LMO7: variants seen among roughly 807,000 people sequenced by gnomAD.
LMO7 encodes LIM domain 7.
Under a neutral mutation model 206.5 loss-of-function variants are expected in LMO7, and 120 were observed. That is an observed-to-expected ratio of 0.58 (90% CI 0.50 to 0.68). The LOEUF is 0.68. Ranked by LOEUF, LMO7 falls within the 30% of genes least tolerant of loss-of-function variation. The pLI is 0.00. For missense variants in LMO7, 1,959 were observed against 1,957.9 expected, an observed-to-expected ratio of 1.00 and a Z score of -0.01; for synonymous variants, 706 against 681.5, an observed-to-expected ratio of 1.04 and a Z score of -0.56.
At chr13:75,709,873 G>T (rs897332307) in intron 1 of LMO7, among the ~76,000 whole-genome samples, 1 of 152,032 alleles carries the variant, frequency 6.6e-6, no homozygotes, top group African/African-American at 2.4e-5. Flanking sequence ...AGTCCTTGCT[G>T]ATGCCTATGT....
chr13:75,833,146 C>A lies in LMO7; in HGVS notation c.3045C>A (p.Phe1015Leu). 6.3e-7 allele frequency: 1 copy of A among 1,590,652 alleles called. No homozygotes were observed. The highest frequency in any genetic ancestry group is 8.6e-7 in the Non-Finnish European group (1 of 1,158,820). The change falls in exon 16 of 31, where the codon TTC becomes TTA. Residue 1015 changes from phenylalanine to leucine, a missense_variant. Phe to Leu is a conservative substitution (Grantham distance 22, BLOSUM62 0). Coordinates refer to ENST00000377534, the MANE Select transcript of LMO7 (RefSeq NM_001306080.2). ...TAAAATGGGATATTCCTGGGATCTT[C>A]GTAGCATCAGTTGAAGCAGGTAAAT... The part of the protein sequence containing the change: ...FTIKWDIPGI[F>L]VASVEAGSPA...
intron 1 of LMO7, chr13:75,689,148 A>G (rs930046030): frequency 6.6e-6 from 1 of 152,184 alleles, no homozygotes; most frequent in Admixed American, 6.6e-5. Flanking sequence ...CATCTTCAGA[A>G]TTCATTACAT....
chr13:75,768,758 G>A (rs1298014967), intron 4 of LMO7, among the ~76,000 whole-genome samples: 1 of 151,990 alleles, frequency 6.6e-6, no homozygotes, highest in East Asian at 1.9e-4. Flanking sequence ...GTAGAGCTTA[G>A]GAATATTTTT....
intron 11 of LMO7, chr13:75,816,742 G>A (rs141731976): frequency 6.5e-6 from 1 of 153,468 alleles, no homozygotes; most frequent in Non-Finnish European, 1.5e-5. Flanking sequence ...TTATTAATCA[G>A]TGCCCAGAAA....
chr13:75,835,882 G>A (rs9318377), intron 18 of LMO7, among the ~76,000 whole-genome samples: 99,239 of 151,886 alleles, frequency 0.65, 32,769 homozygotes, highest in Middle Eastern at 0.79. Flanking sequence ...ACTTTTTCCT[G>A]TAGACTTTGA....
chr13:75,630,551 G>A (rs2034783277), intron 2 of LMO7, among the ~76,000 whole-genome samples: 1 of 152,176 alleles, frequency 6.6e-6, no homozygotes, highest in African/African-American at 2.4e-5. Context: ...GCATGCATCT[G>A]TAGTCCCAGG....
intron 4 of LMO7, among the ~76,000 whole-genome samples, chr13:75,771,689 A>G (rs549786550): frequency 3.3e-5 from 4 of 122,504 alleles, no homozygotes; most frequent in Admixed American, 8.1e-5. Context: ...CTCTCCTCCA[A>G]ACGTCCTTGG....
intron 3 of LMO7, among the ~76,000 whole-genome samples, chr13:75,759,281 G>A (rs2047949013): frequency 6.6e-6 from 1 of 152,142 alleles, no homozygotes. Context: ...GGGACACACA[G>A]CCAAACCATA....
At chr13:75,815,090 G>C (rs550638148) in intron 11 of LMO7, among the ~76,000 whole-genome samples, 1 of 152,130 alleles carries the variant, frequency 6.6e-6, no homozygotes, top group East Asian at 1.9e-4. Flanking sequence ...CAGTCTGAAA[G>C]GAACTCTCTG....
chr13:75,696,047 C>T (rs1434234073), intron 1 of LMO7, among the ~76,000 whole-genome samples: 1 of 152,152 alleles, frequency 6.6e-6, no homozygotes, highest in African/African-American at 2.4e-5. Context: ...GCCTGATTTC[C>T]TTACATTTCC....
intron 11 of LMO7, among the ~76,000 whole-genome samples, chr13:75,812,060 C>T (rs1445118220): frequency 3.3e-4 from 50 of 152,164 alleles, no homozygotes; most frequent in Admixed American, 2.9e-3. Flanking sequence ...CCCCAGGAGA[C>T]ATTTGGCAAT....
Position 75,859,638 on chromosome 13 carries a change from G to T in LMO7, c.*1695G>T, listed in dbSNP as rs1386177221. ...TTCTTTATATTATTTTCATAGACATGAAATAGTTGCTCAGAGATTATGCAT... is the reference window on the plus strand; with the variant it reads ...TTCTTTATATTATTTTCATAGACATTAAATAGTTGCTCAGAGATTATGCAT... On this transcript the variant is annotated 3_prime_UTR_variant, in exon 31 of 31. Transcript: ENST00000377534. 1 of 152,106 alleles carries T rather than the reference G, an allele frequency of 6.6e-6. No homozygotes were observed. The highest frequency in any genetic ancestry group is 2.1e-4 in the South Asian group (1 of 4,828). 9.4% of individuals were successfully genotyped at this position (152,106 alleles called of 1,614,324 possible).
chr13:75,760,725 T>C (rs1413567836), intron 3 of LMO7: 2 of 1,534,504 alleles, frequency 1.3e-6, no homozygotes, highest in Non-Finnish European at 1.7e-6. Context: ...GGGCATAAGA[T>C]AGCACGACTG....
chr13:75,624,530 G>T (rs1211993730), intron 2 of LMO7, among the ~76,000 whole-genome samples: 1 of 152,142 alleles, frequency 6.6e-6, no homozygotes, highest in Admixed American at 6.5e-5. Flanking sequence ...AACCCCACCT[G>T]TATTAGTCTG....
chr13:75,646,117 A>T (rs567186452), intron 1 of LMO7, among the ~76,000 whole-genome samples: 1 of 152,114 alleles, frequency 6.6e-6, no homozygotes, highest in African/African-American at 2.4e-5. Context: ...CAATGTTTCT[A>T]TCTTAGCAAA....
chr13:75,762,737 C>T (rs527403705), intron 4 of LMO7, among the ~76,000 whole-genome samples: 5 of 152,246 alleles, frequency 3.3e-5, no homozygotes, highest in Non-Finnish European at 7.4e-5. Flanking sequence ...ACAAGTTCGT[C>T]AAAGCAAGGT....
intron 4 of LMO7, among the ~76,000 whole-genome samples, chr13:75,764,258 C>G (rs1456759397): frequency 6.6e-6 from 1 of 152,200 alleles, no homozygotes; most frequent in South Asian, 2.1e-4. Context: ...CGATCTGAGG[C>G]CATGAAATCA....
At chr13:75,807,167 G>A in intron 9 of LMO7, 1 of 275,520 alleles carries the variant, frequency 3.6e-6, no homozygotes, top group Non-Finnish European at 6.9e-6. Flanking sequence ...ACCAGGGAGT[G>A]GCTTTTGTGT....
In LMO7 at chr13:75,856,696, C is replaced by G. The variant is rs1308067132; in HGVS notation, c.4873+88C>G. The stretch of plus-strand genomic sequence containing the variant: ...TTTCCCTGAACCTGCAGCGAGCTCC[C>G]CTCCAAGTTCACTGCCATAGGATTC... On this transcript the variant is annotated intron_variant, in intron 30 of 30. Transcript: ENST00000377534. The G allele has an allele frequency of 1.3e-5, 10 of 773,582 alleles. No homozygotes were observed. The East Asian group carries it at 2.0e-4, about 15-fold the overall frequency. 47.9% of individuals were successfully genotyped at this position (773,582 alleles called of 1,614,324 possible). A position where few individuals can be genotyped will look rare whatever the true frequency, so the allele number is the denominator to read the frequency against.
Sources: gnomAD v4.1 joint callset for allele counts (sites outside exome capture counted in the v4.1 genomes callset) on GRCh38, gnomAD v4.1.1 for gene constraint, MANE v1.5 for transcripts, NCBI Gene and HGNC (gene_info 2026-07-23, HGNC 2026-07-21) for gene names.